The following SOD3 variants were observed in gnomAD, a reference collection of about 807,000 sequenced individuals.
SOD3 encodes the protein superoxide dismutase 3.
In SOD3, 3 loss-of-function variants were observed where a neutral mutation model predicts 2.6. The observed-to-expected ratio is 1.13, with a 90% CI of 0.52 to 2.93. The LOEUF (loss-of-function observed/expected upper bound fraction) is 2.93, where lower values mean the gene tolerates loss of function less well. Ranked by LOEUF, SOD3 falls within the 30% of genes most tolerant of loss-of-function variation. SOD3 has a pLI of 0.04. For missense variants in SOD3, 379 were observed against 370.4 expected (o/e 1.02, Z -0.19); for synonymous variants, 188 against 177.5 (o/e 1.06, Z -0.47).
chr4:24,796,540 T>TAG (rs2109069446), intron 1 of SOD3, among the ~76,000 whole-genome samples: 1 of 131,876 alleles, frequency 7.6e-6, no homozygotes, highest in Admixed American at 9.0e-5. Flanking sequence ...CACTACAGCC[T>TAG]CTACCTCCCG....
At position 24,799,819 on chromosome 4, in the gene SOD3, G is replaced by T; in HGVS notation, c.298G>T (p.Glu100Ter). ...RAKLDAFFALEGFPTEPNSSS... is the reference protein window; with the variant it reads ...RAKLDAFFAL The stretch of plus-strand genomic sequence containing the variant: ...CAAGCTCGACGCCTTCTTCGCCCTG[G>T]AGGGCTTCCCGACCGAGCCGAACAG... Residue 100 changes from glutamate to a stop codon, truncating the protein, a stop_gained, in exon 2 of 2, where the codon GAG becomes TAG. Transcript: ENST00000382120. LOFTEE classifies it high-confidence loss of function. The T allele has an allele frequency of 6.3e-7, 1 of 1,599,490 alleles. No individual in the cohort carries two copies.
intron 1 of SOD3, among the ~76,000 whole-genome samples, chr4:24,798,135 G>A (rs1312447260): frequency 6.6e-6 from 1 of 151,764 alleles, no homozygotes; most frequent in African/African-American, 2.4e-5. Flanking sequence ...CTCTTGGGGT[G>A]GGGCCTGGGC....
In SOD3 at chr4:24,800,086, C is replaced by G; in HGVS notation, c.565C>G (p.Arg189Gly). ...CCACGCTGGCGAGGACGACCTGGGC[C>G]GCGGCGGCAACCAGGCCAGCGTGGA... ...VVHAGEDDLGRGGNQASVENG... is the reference protein window; with the variant it reads ...VVHAGEDDLGGGGNQASVENG... The change falls in exon 2 of 2, where the codon CGC (arginine) becomes GGC (glycine). Residue 189 changes from arginine to glycine, a missense_variant. Transcript: ENST00000382120. 1 of 1,404,160 alleles carries G rather than the reference C, an allele frequency of 7.1e-7. No homozygotes were observed. Among genetic ancestry groups the G allele is most frequent in the Non-Finnish European group, 9.2e-7 (1 of 1,090,412 alleles). 87.0% of individuals were successfully genotyped at this position (1,404,160 alleles called of 1,614,324 possible). A position where few individuals can be genotyped will look rare whatever the true frequency, so the allele number is the denominator to read the frequency against.
At chr4:24,797,693 T>C (rs1189157252) in intron 1 of SOD3, among the ~76,000 whole-genome samples, 3 of 152,220 alleles carry the variant, frequency 2.0e-5, no homozygotes, top group African/African-American at 7.2e-5. Flanking sequence ...TTTAGATTCA[T>C]GAGGTGAGTT....
At chr4:24,799,426 C>A in intron 1 of SOD3, 80 bp from the exon 2 acceptor site, 1 of 1,495,758 alleles carries the variant, frequency 6.7e-7, no homozygotes, top group South Asian at 1.3e-5. Flanking sequence ...GTTGGTTCTG[C>A]GATAATGGGG....
At position 24,800,087 on chromosome 4, in the gene SOD3, G is replaced by T. The variant is rs564062771; in HGVS notation, c.566G>T (p.Arg189Leu). 890 of 1,404,318 alleles carry T rather than the reference G, an allele frequency of 6.3e-4. 2 individuals are homozygous for T. The highest frequency in any genetic ancestry group is 7.0e-4 in the Non-Finnish European group (767 of 1,090,552). The allele number at this position is 1,404,318 out of a possible 1,614,324, so 87.0% of individuals were successfully genotyped here. A position where few individuals can be genotyped will look rare whatever the true frequency, so the allele number is the denominator to read the frequency against. Residue 189 changes from arginine (R) to leucine (L), a missense_variant, in exon 2 of 2, where the codon CGC becomes CTC. Coordinates refer to ENST00000382120, the MANE Select transcript of SOD3 (RefSeq NM_003102.4). ...CACGCTGGCGAGGACGACCTGGGCC[G>T]CGGCGGCAACCAGGCCAGCGTGGAG... ...VVHAGEDDLGRGGNQASVENG... is the reference protein window; with the variant it reads ...VVHAGEDDLGLGGNQASVENG...
At chr4:24,798,773 C>T (rs1383567395) in intron 1 of SOD3, among the ~76,000 whole-genome samples, 1 of 152,184 alleles carries the variant, frequency 6.6e-6, no homozygotes, top group African/African-American at 2.4e-5. Context: ...TCAAAAGTCA[C>T]CACCTCTGAG....
In SOD3 at chr4:24,800,307, C is replaced by A; in HGVS notation, c.*63C>A. On this transcript the variant is annotated 3_prime_UTR_variant, in exon 2 of 2. Transcript: ENST00000382120. The stretch of plus-strand genomic sequence containing the variant: ...GGCCCCCCTCTGCCTTTGAGCTTCT[C>A]CTCTGCTCCAACAGACACCCTCCAC... The A allele has an allele frequency of 1.5e-6, 2 of 1,334,286 alleles. No individual in the cohort carries two copies. The highest frequency in any genetic ancestry group is 2.0e-5 in the South Asian group (1 of 49,328). 82.7% of individuals were successfully genotyped at this position (1,334,286 alleles called of 1,614,324 possible).
intron 1 of SOD3, among the ~76,000 whole-genome samples, chr4:24,796,179 C>CCTGTCCTCTTTCTCTGATAACA (rs1459346269): frequency 2.6e-5 from 4 of 151,908 alleles, no homozygotes; most frequent in African/African-American, 4.8e-5. Context: ...GATAAGGGCC[C>CCTGTCCTCTTTCTCTGATAACA]CTGTCCTCTT....
At chr4:24,796,091 A>ATG (rs1713651081) in intron 1 of SOD3, among the ~76,000 whole-genome samples, 1 of 152,152 alleles carries the variant, frequency 6.6e-6, no homozygotes, top group Non-Finnish European at 1.5e-5. Context: ...AAACACACCC[A>ATG]AGGCTCAAGA....
intron 1 of SOD3, among the ~76,000 whole-genome samples, chr4:24,798,175 G>A (rs1384798220): frequency 1.3e-5 from 2 of 151,902 alleles, no homozygotes; most frequent in Non-Finnish European, 2.9e-5. Context: ...GACATCTGAT[G>A]TGCAGTCAAC....
At position 24,799,934 on chromosome 4, in the gene SOD3, C is replaced by A; in HGVS notation, c.413C>A (p.Pro138Gln). ...TGPHYNPLAV[P>Q]HPQHPGDFGN... is the part of the protein sequence containing the mutation. The stretch of plus-strand genomic sequence containing the variant: ...CCCCACTACAACCCGCTGGCCGTGC[C>A]GCACCCGCAGCACCCGGGCGACTTC... The change falls in exon 2 of 2, where the codon CCG becomes CAG. Residue 138 changes from proline to glutamine, a missense_variant. Physicochemically the swap from Pro to Gln is moderately conservative, Grantham distance 76. Coordinates refer to ENST00000382120, the MANE Select transcript of SOD3 (RefSeq NM_003102.4). 2 of 1,595,986 alleles carry A rather than the reference C, an allele frequency of 1.3e-6. No individual in the cohort carries two copies. The highest frequency in any genetic ancestry group is 1.1e-5 in the South Asian group (1 of 90,186).
chr4:24,799,751 G>T lies in SOD3; in HGVS notation c.230G>T (p.Arg77Leu). The T allele has an allele frequency of 6.4e-7, 1 of 1,562,952 alleles. No individual in the cohort carries two copies. The highest frequency in any genetic ancestry group is 2.4e-5 in the East Asian group (1 of 42,294). ...PSATLDAAQP[R>L]VTGVVLFRQL... Reference sequence around the variant, plus strand: ...GCCACGCTGGACGCCGCGCAGCCCCGGGTGACCGGCGTCGTCCTCTTCCGG... The same window carrying T: ...GCCACGCTGGACGCCGCGCAGCCCCTGGTGACCGGCGTCGTCCTCTTCCGG... The change falls in exon 2 of 2, where the codon CGG becomes CTG. Residue 77 changes from arginine (R) to leucine (L), a missense_variant. Physicochemically the swap from Arg to Leu is moderately radical, Grantham distance 102 (BLOSUM62 -2). Coordinates refer to ENST00000382120, the MANE Select transcript of SOD3 (RefSeq NM_003102.4).
rs1346749098 is a variant in SOD3, at chr4:24,799,489, G to C, written c.-16-17G>C. ...TAAGCCTCACTCTGCCCCCACCTCC[G>C]CGGGGGCGTCCCGCAGGTGCCCGAC... On this transcript the variant is annotated splice_polypyrimidine_tract_variant and intron_variant, in intron 1 of 1. Coordinates refer to ENST00000382120, the MANE Select transcript of SOD3 (RefSeq NM_003102.4). 6.3e-7 allele frequency: 1 copy of C among 1,593,630 alleles called. No individual in the cohort carries two copies. The highest frequency in any genetic ancestry group is 2.2e-5 in the East Asian group (1 of 44,636).
chr4:24,796,709 C>A (rs1410929960), intron 1 of SOD3, among the ~76,000 whole-genome samples: 5 of 151,346 alleles, frequency 3.3e-5, no homozygotes, highest in African/African-American at 1.2e-4. Flanking sequence ...CTGTCTCATC[C>A]TCCCAAAGGG....
chr4:24,799,298 C>T (rs1376702785), intron 1 of SOD3, among the ~76,000 whole-genome samples: 1 of 152,180 alleles, frequency 6.6e-6, no homozygotes, highest in Non-Finnish European at 1.5e-5. Flanking sequence ...GATTGGGTCT[C>T]ACCCATCTTT....
Position 24,797,015 on chromosome 4 carries a change from G to T in SOD3, c.-17+1364G>T, listed in dbSNP as rs565933247. Among the ~76,000 whole-genome samples the T allele has an allele frequency of 4.6e-5, 7 of 152,252 alleles. No homozygotes were observed. The East Asian group carries it at 1.4e-3, about 29-fold the overall frequency. ...TACTCCCTGGGGCTTTGGGGTAGTA[G>T]TACCACATTGGGCCATGTCATTTAG... On this transcript the variant is annotated intron_variant, in intron 1 of 1. Coordinates refer to ENST00000382120, the MANE Select transcript of SOD3 (RefSeq NM_003102.4).
rs34368349 is a variant in SOD3, at chr4:24,796,435, C to CTTTTTT, written c.-17+805_-17+810dup. 2.6e-4 allele frequency among the ~76,000 whole-genome samples: 19 copies of CTTTTTT among 71,978 alleles called. 1 individual carries two copies. The highest frequency in any genetic ancestry group is 5.2e-4 in the African/African-American group (8 of 15,424). 47.2% of individuals were successfully genotyped at this position (71,978 alleles called of 152,430 possible). A position where few individuals can be genotyped will look rare whatever the true frequency, so the allele number is the denominator to read the frequency against. ...TTTTCCTCCTCCTCCTCCTTCTTCT[C>CTTTTTT]TTTTTTTTTTTTTTTTTTTTTTTTT... On this transcript the variant is annotated intron_variant, in intron 1 of 1. Coordinates refer to ENST00000382120, the MANE Select transcript of SOD3 (RefSeq NM_003102.4).
intron 1 of SOD3, among the ~76,000 whole-genome samples, chr4:24,797,671 G>A (rs1208615291): frequency 1.3e-5 from 2 of 152,304 alleles, no homozygotes; most frequent in Non-Finnish European, 2.9e-5. Flanking sequence ...AGACTAAGTG[G>A]CAGAGTCAGG....
Sources: allele counts gnomAD v4.1 joint callset (sites outside exome capture counted in the v4.1 genomes callset), GRCh38; gene constraint gnomAD v4.1.1; transcripts MANE v1.5; gene names NCBI Gene and HGNC (gene_info 2026-07-23, HGNC 2026-07-21).